Variants in ANTXR2 observed in about 807,000 individuals in gnomAD.
ANTXR2 encodes anthrax toxin receptor 2.
In ANTXR2, 44 loss-of-function variants were observed where a neutral mutation model predicts 73.7. The ratio of observed to expected loss-of-function variants is 0.60; its 90% confidence interval spans 0.47 to 0.77. The LOEUF (loss-of-function observed/expected upper bound fraction) is 0.77. Among genes scored for constraint, ANTXR2 ranks in the 30% least tolerant of loss-of-function variants. The probability of loss-of-function intolerance (pLI) is 0.00; values close to 1 mark genes in which losing one functional copy is unlikely to be tolerated. For missense variants in ANTXR2, 604 were observed against 592.5 expected (o/e 1.02, Z -0.20); for synonymous variants, 217 against 205.9 (o/e 1.05, Z -0.46).
intron 16 of ANTXR2, among the ~76,000 whole-genome samples, chr4:79,946,382 A>G (rs1196923086): frequency 6.6e-6 from 1 of 152,164 alleles, no homozygotes; most frequent in Non-Finnish European, 1.5e-5. Context: ...GGATTTGGCA[A>G]AAGGAGAATT....
chr4:79,911,769 AATTTAATTAAATAT>A (rs1457001222), intron 16 of ANTXR2, among the ~76,000 whole-genome samples: 7 of 152,020 alleles, frequency 4.6e-5, no homozygotes, highest in Admixed American at 4.6e-4. Flanking sequence ...ATTTTCTGAA[AATTTAATTAAATAT>A]TCTTTCTAAA....
At chr4:80,003,855 T>A (rs912429634) in intron 12 of ANTXR2, among the ~76,000 whole-genome samples, 2 of 152,120 alleles carry the variant, frequency 1.3e-5, no homozygotes, top group Non-Finnish European at 2.9e-5. Flanking sequence ...AGTTTGGCAG[T>A]TTCCCATAAA....
chr4:79,934,629 T>C (rs1728189193), intron 16 of ANTXR2, among the ~76,000 whole-genome samples: 1 of 151,922 alleles, frequency 6.6e-6, no homozygotes, highest in African/African-American at 2.4e-5. Context: ...TGGAAAGTAA[T>C]AGCAGCTTAC....
intron 3 of ANTXR2, among the ~76,000 whole-genome samples, chr4:80,062,350 C>A (rs1250490358): frequency 6.6e-6 from 1 of 152,190 alleles, no homozygotes; most frequent in Admixed American, 6.5e-5. Flanking sequence ...TCCATTTTCC[C>A]ACTCACTGCC....
chr4:79,981,864 G>A (rs542271873), intron 14 of ANTXR2, among the ~76,000 whole-genome samples: 2 of 152,126 alleles, frequency 1.3e-5, no homozygotes, highest in South Asian at 2.1e-4. Context: ...GCGGTTTTTC[G>A]TCACAAATTT....
At chr4:79,911,881 A>G (rs1727157869) in intron 16 of ANTXR2, among the ~76,000 whole-genome samples, 1 of 151,984 alleles carries the variant, frequency 6.6e-6, no homozygotes, top group East Asian at 1.9e-4. Flanking sequence ...TGCTTTAGGT[A>G]GCACCCACAC....
intron 16 of ANTXR2, among the ~76,000 whole-genome samples, chr4:79,911,094 G>T (rs930277497): frequency 3.9e-5 from 6 of 152,168 alleles, no homozygotes; most frequent in Non-Finnish European, 7.3e-5. Context: ...CGCTAATTAT[G>T]TTTAAGGTCA....
intron 12 of ANTXR2, among the ~76,000 whole-genome samples, chr4:80,003,370 A>G (rs13140886): frequency 0.074 from 9,859 of 133,448 alleles, 409 homozygotes; most frequent in Middle Eastern, 0.11. Flanking sequence ...ATGAGAACAC[A>G]TGGACACAGG....
chr4:80,015,900 G>GAA (rs1731827828), intron 11 of ANTXR2, among the ~76,000 whole-genome samples: 2 of 77,996 alleles, frequency 2.6e-5, no homozygotes, highest in Admixed American at 1.7e-4. Context: ...GGAAAGGAAA[G>GAA]GAAAGGAAAG....
At chr4:80,038,814 A>G (rs1316262127) in intron 7 of ANTXR2, among the ~76,000 whole-genome samples, 1 of 152,068 alleles carries the variant, frequency 6.6e-6, no homozygotes, top group East Asian at 1.9e-4. Context: ...TTGAATTTCC[A>G]TGGCATATGC....
At chr4:79,997,159 T>TA (rs754271589) in intron 12 of ANTXR2, among the ~76,000 whole-genome samples, 4 of 151,858 alleles carry the variant, frequency 2.6e-5, no homozygotes, top group Admixed American at 1.3e-4. Context: ...TTCTTTGCGC[T>TA]AAAAAATGTC....
chr4:79,993,760 G>GTGCACACACACACACACACA (rs1553931142), intron 12 of ANTXR2, among the ~76,000 whole-genome samples: 2 of 140,658 alleles, frequency 1.4e-5, no homozygotes, highest in African/African-American at 5.1e-5. Context: ...ACACACACAC[G>GTGCACACACACACACACACA]CACACACACA....
chr4:79,982,626 A>ATTG (rs1199189761), intron 14 of ANTXR2, among the ~76,000 whole-genome samples: 2 of 152,146 alleles, frequency 1.3e-5, no homozygotes, highest in African/African-American at 4.8e-5. Context: ...GCTCTCTTAT[A>ATTG]TTGTTTGCTA....
At chr4:80,050,278 G>A (rs952813054) in intron 7 of ANTXR2, among the ~76,000 whole-genome samples, 20 of 151,600 alleles carry the variant, frequency 1.3e-4, no homozygotes, top group African/African-American at 2.9e-4. Flanking sequence ...TAATACCAGC[G>A]CACATCCAAA....
chr4:80,022,474 T>C (rs1732212087), intron 10 of ANTXR2, among the ~76,000 whole-genome samples: 1 of 152,206 alleles, frequency 6.6e-6, no homozygotes, highest in African/African-American at 2.4e-5. Flanking sequence ...TGCTACTCCT[T>C]TTCTGGCATA....
At chr4:79,984,710 G>T in intron 13 of ANTXR2, 109 bp downstream of exon 13, 1 of 930,514 alleles carries the variant, frequency 1.1e-6, no homozygotes, top group Non-Finnish European at 1.7e-6. Context: ...TAAAAAGTCA[G>T]TACATAGGTA....
intron 10 of ANTXR2, among the ~76,000 whole-genome samples, chr4:80,019,919 T>C (rs1732076035): frequency 6.6e-6 from 1 of 152,188 alleles, no homozygotes; most frequent in Non-Finnish European, 1.5e-5. Context: ...TTTAGATTGA[T>C]TATTTGGGAT....
At position 79,903,255 on chromosome 4, in the gene ANTXR2, T is replaced by A. The variant is rs548392247; in HGVS notation, c.*4174A>T. On this transcript the variant is annotated 3_prime_UTR_variant, in exon 17 of 17. Transcript: ENST00000403729. Reference sequence around the variant, plus strand: ...GATCTGTTCAACATCAGCAAGCTAGTTGATGGCTGGGTCTATGGTCTAGGA... The same window carrying A: ...GATCTGTTCAACATCAGCAAGCTAGATGATGGCTGGGTCTATGGTCTAGGA... The A allele has an allele frequency of 6.6e-6, 1 of 152,124 alleles. No individual in the cohort carries two copies. Among genetic ancestry groups the A allele is most frequent in the African/African-American group, 2.4e-5 (1 of 41,434 alleles). 9.4% of individuals were successfully genotyped at this position (152,124 alleles called of 1,614,324 possible).
At chr4:79,923,363 T>C (rs1410227933) in intron 16 of ANTXR2, among the ~76,000 whole-genome samples, 1 of 152,102 alleles carries the variant, frequency 6.6e-6, no homozygotes, top group African/African-American at 2.4e-5. Context: ...CAGGCAAAAG[T>C]CTTCCTGGCT....
Sources: allele counts gnomAD v4.1 joint callset (sites outside exome capture counted in the v4.1 genomes callset), GRCh38; gene constraint gnomAD v4.1.1; transcripts MANE v1.5; gene names NCBI Gene and HGNC (gene_info 2026-07-23, HGNC 2026-07-21).